USO1: variants seen among roughly 807,000 people sequenced by gnomAD.
The protein encoded by USO1 is USO1 vesicle transport factor.
USO1 carries 57 observed loss-of-function variants against 124.5 expected under a neutral mutation model. That is an observed-to-expected ratio of 0.46 (90% CI 0.37 to 0.57). The LOEUF (loss-of-function observed/expected upper bound fraction) is 0.57, where lower values mean the gene tolerates loss of function less well. Among genes scored for constraint, USO1 ranks in the 20% least tolerant of loss-of-function variants. The probability of loss-of-function intolerance (pLI) is 0.00; values close to 1 mark genes in which losing one functional copy is unlikely to be tolerated. For synonymous variants in USO1, 369 were observed against 362.8 expected, an observed-to-expected ratio of 1.02 and a Z score of -0.19; for missense variants, 900 against 1,040.6, an observed-to-expected ratio of 0.86 and a Z score of 1.86.
chr4:75,726,582 T>A (rs1476420613), intron 1 of USO1, among the ~76,000 whole-genome samples: 7 of 138,012 alleles, frequency 5.1e-5, no homozygotes, highest in South Asian at 4.7e-4. Context: ...AAAAAAAAAA[T>A]AACTGCGCAG....
chr4:75,801,373 A>G (rs1722846766), intron 17 of USO1, among the ~76,000 whole-genome samples, 173 bp downstream of exon 17: 1 of 152,240 alleles, frequency 6.6e-6, no homozygotes, highest in African/African-American at 2.4e-5. Flanking sequence ...GCTAAGCACC[A>G]TGCAGCTGAT....
At chr4:75,811,120 T>A (rs1723135346) in intron 22 of USO1, among the ~76,000 whole-genome samples, 1 of 152,108 alleles carries the variant, frequency 6.6e-6, no homozygotes, top group Admixed American at 6.5e-5. Context: ...AAAAGTAAAA[T>A]TTATTGAAAA....
intron 13 of USO1, among the ~76,000 whole-genome samples, chr4:75,799,377 A>G (rs1321358565): frequency 6.6e-6 from 1 of 152,164 alleles, no homozygotes; most frequent in Non-Finnish European, 1.5e-5. Context: ...TATTTTAAAT[A>G]ACCCAGTATA....
chr4:75,793,992 G>A (rs1017750622), intron 13 of USO1, 91 bp downstream of exon 13: 3 of 1,528,926 alleles, frequency 2.0e-6, no homozygotes, highest in Non-Finnish European at 2.6e-6. Flanking sequence ...AGATGAAAAA[G>A]GACAGAGAAG....
chr4:75,797,670 C>T (rs2149187104), intron 13 of USO1, among the ~76,000 whole-genome samples: 1 of 150,804 alleles, frequency 6.6e-6, no homozygotes, highest in South Asian at 2.1e-4. Context: ...GAAATGGAGT[C>T]TCACTCTGTC....
intron 10 of USO1, among the ~76,000 whole-genome samples, chr4:75,788,174 T>A (rs928967078): frequency 5.1e-5 from 7 of 137,912 alleles, no homozygotes; most frequent in East Asian, 2.0e-4. Flanking sequence ...TTTATTTATT[T>A]TTTTTTTTTT....
intron 1 of USO1, among the ~76,000 whole-genome samples, chr4:75,739,306 T>G (rs1348819133): frequency 1.3e-5 from 2 of 152,104 alleles, no homozygotes; most frequent in East Asian, 1.9e-4. Context: ...ACTTGCAAAT[T>G]CACCTACTCA....
intron 13 of USO1, among the ~76,000 whole-genome samples, chr4:75,797,383 A>G (rs1052600633): frequency 6.6e-6 from 1 of 151,514 alleles, no homozygotes; most frequent in African/African-American, 2.4e-5. Context: ...CTACTTTTTC[A>G]TATATTAAAT....
chr4:75,800,431 G>A lies in USO1; in HGVS notation c.1644G>A (p.Ser548=), dbSNP rs113123732. 13,015 of 1,593,498 alleles carry A rather than the reference G, an allele frequency of 8.2e-3. 109 individuals carry two copies. Among genetic ancestry groups the A allele is most frequent in the Middle Eastern group, 0.059 (357 of 6,030 alleles). The change falls in exon 15 of 24, where the codon TCG becomes TCA. Residue 548 remains serine, a synonymous_variant. Transcript: ENST00000514213. The part of the protein sequence containing the change: ...QGLCALLLGI[S]IYFNDNSLES... ...TATGTGCCCTTTTGTTGGGCATTTC[G>A]ATTTATTTCAATGATAACTCACTTG...
intron 17 of USO1, 39 bp downstream of exon 17, chr4:75,801,239 A>T (rs777065842): frequency 1.3e-6 from 2 of 1,504,608 alleles, no homozygotes; most frequent in Admixed American, 4.7e-5. Context: ...CTGATTACCA[A>T]TAGGCACTTT....
At position 75,771,517 on chromosome 4, in the gene USO1, A is replaced by G. The variant is rs577055636; in HGVS notation, c.555+380A>G. 3.3e-5 allele frequency among the ~76,000 whole-genome samples: 5 copies of G among 152,340 alleles called. No homozygotes were observed. The South Asian group carries it at 1.0e-3, about 32-fold the overall frequency. On this transcript the variant is annotated intron_variant, in intron 7 of 23. Transcript: ENST00000514213. ...TCAAATTTATTTCTTCCATTAGTTT[A>G]GGATTTCTTATACTATCTGCTGAAA...
intron 4 of USO1, among the ~76,000 whole-genome samples, chr4:75,762,753 C>T (rs977484114): frequency 6.6e-6 from 1 of 151,928 alleles, no homozygotes; most frequent in African/African-American, 2.4e-5. Flanking sequence ...ATGGTGAAAC[C>T]CCATCTCTAC....
At chr4:75,743,969 G>T (rs1444977313) in intron 1 of USO1, among the ~76,000 whole-genome samples, 2 of 152,068 alleles carry the variant, frequency 1.3e-5, no homozygotes, top group Non-Finnish European at 2.9e-5. Context: ...GTAGAGATGG[G>T]GTTTCACCGT....
intron 1 of USO1, among the ~76,000 whole-genome samples, chr4:75,749,963 C>A (rs1420101869): frequency 6.6e-6 from 1 of 152,060 alleles, no homozygotes; most frequent in Non-Finnish European, 1.5e-5. Flanking sequence ...TCATGTTAGC[C>A]AGCATGGTCT....
rs34266261 is a variant in USO1 at position 75,769,740 on chromosome 4, C to CTTT, written c.296-685_296-683dup. ...AGTTGTTGCTTTCATTTTTAGTGAT[C>CTTT]TTTTTTTTTTTTTTTTACATAGTAC... On this transcript the variant is annotated intron_variant, in intron 4 of 23. Transcript: ENST00000514213. Among the ~76,000 whole-genome samples the CTTT allele has an allele frequency of 3.6e-5, 5 of 139,992 alleles. No individual in the cohort carries two copies. The East Asian group carries it at 8.1e-4, about 23-fold the overall frequency. 91.8% of individuals were successfully genotyped at this position (139,992 alleles called of 152,430 possible). A position where few individuals can be genotyped will look rare whatever the true frequency, so the allele number is the denominator to read the frequency against.
intron 18 of USO1, 62 bp from the exon 19 acceptor site, chr4:75,805,078 A>G (rs1722954656): frequency 2.0e-6 from 3 of 1,489,986 alleles, no homozygotes; most frequent in Middle Eastern, 1.8e-4. Context: ...TGAATCTTCT[A>G]CTTCAAAAAT....
At chr4:75,753,146 T>C (rs1232959862) in intron 3 of USO1, among the ~76,000 whole-genome samples, 1 of 152,122 alleles carries the variant, frequency 6.6e-6, no homozygotes, top group Non-Finnish European at 1.5e-5. Context: ...TTGCCAGATA[T>C]GGTGGCTCAA....
intron 20 of USO1, 107 bp from the exon 21 acceptor site, chr4:75,808,846 T>C: frequency 7.6e-7 from 1 of 1,307,222 alleles, no homozygotes; most frequent in Admixed American, 3.0e-5. Context: ...AGTTAGATTT[T>C]AAAAGTAGGA....
intron 12 of USO1, among the ~76,000 whole-genome samples, chr4:75,791,087 C>G (rs1379757127): frequency 6.6e-6 from 1 of 152,164 alleles, no homozygotes; most frequent in Non-Finnish European, 1.5e-5. Context: ...ATACTCATCT[C>G]TATGTGGGGT....
Sources: allele counts gnomAD v4.1 joint callset (sites outside exome capture counted in the v4.1 genomes callset), GRCh38; gene constraint gnomAD v4.1.1; transcripts MANE v1.5; gene names NCBI Gene and HGNC (gene_info 2026-07-23, HGNC 2026-07-21).